The following MALRD1 variants were observed in gnomAD, a reference collection of about 807,000 sequenced individuals.
MALRD1 encodes the protein MAM and LDL-receptor class A domain-containing protein 1.
In MALRD1, 247 loss-of-function variants were observed where a neutral mutation model predicts 242.1. That is an observed-to-expected ratio of 1.02 (90% CI 0.92 to 1.13). The LOEUF is 1.13. MALRD1 is among the 50% of genes most tolerant of loss of function. MALRD1 has a pLI of 0.00. For synonymous variants in MALRD1, 995 were observed against 866.6 expected (o/e 1.15, Z -2.60); for missense variants, 2,989 against 2,533.1 (o/e 1.18, Z -3.86).
At chr10:19,674,329 C>G (rs990687304) in intron 36 of MALRD1, among the ~76,000 whole-genome samples, 1 of 152,112 alleles carries the variant, frequency 6.6e-6, no homozygotes, top group Non-Finnish European at 1.5e-5. Context: ...TACTCGGTAG[C>G]CAACATGTTC....
Position 19,692,286 on chromosome 10 carries a change from A to C in MALRD1, c.6142A>C (p.Arg2048=). Residue 2048 remains arginine, a synonymous_variant, in exon 37 of 40, where the codon AGA becomes CGA. Transcript: ENST00000454679. The part of the protein sequence containing the change: ...VEKNGPMCRC[R]QGWKGNRCHI... ...TTTATTTTATCTCCTTTCCAGATGT[A>C]GACAAGGCTGGAAAGGAAATCGATG... The C allele has an allele frequency of 6.5e-7, 1 of 1,533,544 alleles. No homozygotes were observed. Among genetic ancestry groups the C allele is most frequent in the African/African-American group, 1.4e-5 (1 of 73,058 alleles). The allele number at this position is 1,533,544 out of a possible 1,614,324, so 95.0% of individuals were successfully genotyped here. A position where few individuals can be genotyped will look rare whatever the true frequency, so the allele number is the denominator to read the frequency against.
At chr10:19,301,404 T>G (rs534879673) in intron 21 of MALRD1, among the ~76,000 whole-genome samples, 24 of 151,940 alleles carry the variant, frequency 1.6e-4, no homozygotes, top group African/African-American at 5.8e-4. Flanking sequence ...TAAAGACACA[T>G]GCACTACATG....
chr10:19,132,841 A>G (rs1318309876), intron 8 of MALRD1, among the ~76,000 whole-genome samples: 1 of 152,224 alleles, frequency 6.6e-6, no homozygotes, highest in Non-Finnish European at 1.5e-5. Flanking sequence ...GTAAATAAAA[A>G]TAAGATTTCA....
intron 36 of MALRD1, among the ~76,000 whole-genome samples, chr10:19,688,305 T>A (rs1842680352): frequency 6.6e-6 from 1 of 151,878 alleles, no homozygotes; most frequent in African/African-American, 2.4e-5. Context: ...GGTCTTGCTC[T>A]GTCACCCATG....
intron 36 of MALRD1, among the ~76,000 whole-genome samples, chr10:19,679,701 G>T (rs1589391553): frequency 6.6e-6 from 1 of 151,210 alleles, no homozygotes; most frequent in African/African-American, 2.4e-5. Flanking sequence ...CTAGCTTTGG[G>T]TTTTTTTTCC....
chr10:19,049,184 G>T, intron 1 of MALRD1, 47 bp downstream of exon 1: 1 of 1,226,144 alleles, frequency 8.2e-7, no homozygotes, highest in Non-Finnish European at 1.0e-6. Context: ...CGTACAGCCT[G>T]AAACGAGGGC....
chr10:19,237,439 T>A (rs977641031), intron 18 of MALRD1, among the ~76,000 whole-genome samples: 1 of 147,848 alleles, frequency 6.8e-6, no homozygotes, highest in African/African-American at 2.5e-5. Flanking sequence ...TCCTACAGGG[T>A]CATCCATGTT....
intron 14 of MALRD1, among the ~76,000 whole-genome samples, chr10:19,179,886 A>G (rs866689292): frequency 1.3e-5 from 2 of 152,212 alleles, no homozygotes; most frequent in Middle Eastern, 3.4e-3. Flanking sequence ...GTCTCCTTTC[A>G]GTTCGTCCTT....
chr10:19,353,371 A>C (rs1228230546), intron 26 of MALRD1, among the ~76,000 whole-genome samples: 1 of 152,172 alleles, frequency 6.6e-6, no homozygotes, highest in Non-Finnish European at 1.5e-5. Context: ...TTGATATTTA[A>C]ATTATATTTA....
intron 32 of MALRD1, among the ~76,000 whole-genome samples, chr10:19,557,275 G>T (rs1459452586): frequency 6.6e-6 from 1 of 151,844 alleles, no homozygotes; most frequent in Non-Finnish European, 1.5e-5. Context: ...CATTTACATA[G>T]AAGTTTTTAA....
At chr10:19,428,494 C>T (rs1833987635) in intron 28 of MALRD1, among the ~76,000 whole-genome samples, 1 of 152,018 alleles carries the variant, frequency 6.6e-6, no homozygotes, top group Non-Finnish European at 1.5e-5. Context: ...CTCCTAATCT[C>T]TGCCTCTTCT....
rs545949975 is a variant in MALRD1 at position 19,552,084 on chromosome 10, A to G, written c.5479-15418A>G. Among the ~76,000 whole-genome samples the G allele has an allele frequency of 1.6e-4, 24 of 152,214 alleles. No homozygotes were observed. The South Asian group carries it at 2.3e-3, about 14-fold the overall frequency. On this transcript the variant is annotated intron_variant, in intron 32 of 39. Transcript: ENST00000454679. ...CCTTGTATCTCTGCCAGGTTTTGGT[A>G]TCAGGATGATGCTGGCCTCATAGAA...
At chr10:19,164,231 A>G (rs776870280) in intron 12 of MALRD1, among the ~76,000 whole-genome samples, 1 of 152,240 alleles carries the variant, frequency 6.6e-6, no homozygotes. Context: ...CATTGATAAA[A>G]ATGTGTACCA....
chr10:19,705,900 C>T (rs762679957), intron 38 of MALRD1, among the ~76,000 whole-genome samples: 13 of 151,412 alleles, frequency 8.6e-5, no homozygotes, highest in Non-Finnish European at 1.6e-4. Context: ...ACATTCTACC[C>T]CTTACCCTTT....
In MALRD1 at chr10:19,516,722, C is replaced by T. The variant is rs544596842; in HGVS notation, c.5321-14472C>T. Reference sequence around the variant, plus strand: ...CTCCCTCCCTCCCTTGCTTACCTCCCTCCCTCCCTCTTCCTTCTTCCTTGT... The same window carrying T: ...CTCCCTCCCTCCCTTGCTTACCTCCTTCCCTCCCTCTTCCTTCTTCCTTGT... On this transcript the variant is annotated intron_variant, in intron 31 of 39. Coordinates refer to ENST00000454679, the MANE Select transcript of MALRD1 (RefSeq NM_001142308.3). Among the ~76,000 whole-genome samples, 27 of 151,126 alleles carry T rather than the reference C, an allele frequency of 1.8e-4. No homozygotes were observed. The East Asian group carries it at 5.3e-3, about 29-fold the overall frequency.
chr10:19,104,198 C>T (rs1836382328), intron 5 of MALRD1, 123 bp downstream of exon 5: 2 of 515,030 alleles, frequency 3.9e-6, no homozygotes, highest in East Asian at 7.1e-5. Flanking sequence ...GGATATTTTT[C>T]GTTCTAATAC....
chr10:19,636,922 A>AG lies in MALRD1; in HGVS notation c.6137+21000dup, dbSNP rs201840883. Reference sequence around the variant, plus strand: ...TCAAAAAAAAAAAAAAACGCAGAGTAGATTTTTTTAAAAAATATGACATTA... The same window carrying AG: ...TCAAAAAAAAAAAAAAACGCAGAGTAGGATTTTTTTAAAAAATATGACATTA... On this transcript the variant is annotated intron_variant, in intron 36 of 39. Transcript: ENST00000454679. 7.7e-3 allele frequency among the ~76,000 whole-genome samples: 1,171 copies of AG among 151,116 alleles called. 17 individuals are homozygous for AG. The highest frequency in any genetic ancestry group is 0.027 in the African/African-American group (1,096 of 40,912).
chr10:19,602,134 A>C (rs144350383), intron 34 of MALRD1, among the ~76,000 whole-genome samples: 2 of 147,484 alleles, frequency 1.4e-5, no homozygotes, highest in South Asian at 2.1e-4. Context: ...GCATCCTGCA[A>C]GTCTATCAGT....
intron 18 of MALRD1, among the ~76,000 whole-genome samples, chr10:19,238,160 C>T (rs371061591): frequency 6.6e-5 from 1 of 15,114 alleles, no homozygotes; most frequent in African/African-American, 2.4e-4. Flanking sequence ...CATAATAATA[C>T]ATAATATATA....
Sources: allele counts gnomAD v4.1 joint callset (sites outside exome capture counted in the v4.1 genomes callset), GRCh38; gene constraint gnomAD v4.1.1; transcripts MANE v1.5; gene names NCBI Gene and HGNC (gene_info 2026-07-23, HGNC 2026-07-21).